ASTN2: variants seen among roughly 807,000 people sequenced by gnomAD.
The protein encoded by ASTN2 is astrotactin 2.
Under a neutral mutation model 139.8 loss-of-function variants are expected in ASTN2, and 54 were observed. The observed-to-expected ratio is 0.39, with a 90% CI of 0.31 to 0.48. The LOEUF (loss-of-function observed/expected upper bound fraction) is 0.48, where lower values mean the gene tolerates loss of function less well. Ranked by LOEUF, ASTN2 falls within the 20% of genes least tolerant of loss-of-function variation. ASTN2 has a pLI of 0.95. For missense variants in ASTN2, 1,565 were observed against 1,725.1 expected (o/e 0.91, Z 1.64); for synonymous variants, 756 against 719.5 (o/e 1.05, Z -0.81).
chr9:117,011,091 T>G (rs1340339917), intron 6 of ASTN2, among the ~76,000 whole-genome samples: 1 of 152,328 alleles, frequency 6.6e-6, no homozygotes, highest in East Asian at 1.9e-4. Flanking sequence ...CTGTGAAATC[T>G]CAAGGAACAG....
At chr9:116,761,259 AAT>A (rs1226249460) in intron 13 of ASTN2, among the ~76,000 whole-genome samples, 2 of 152,200 alleles carry the variant, frequency 1.3e-5, no homozygotes, top group Non-Finnish European at 2.9e-5. Flanking sequence ...AACACAGATA[AAT>A]GAGACATCCC....
chr9:116,684,885 C>T (rs1860104729), intron 16 of ASTN2, among the ~76,000 whole-genome samples: 1 of 152,232 alleles, frequency 6.6e-6, no homozygotes, highest in Non-Finnish European at 1.5e-5. Flanking sequence ...TTGCTTCTAA[C>T]TTCCAAGCTG....
chr9:116,830,809 G>A (rs1363136777), intron 11 of ASTN2, among the ~76,000 whole-genome samples: 16 of 134,608 alleles, frequency 1.2e-4, no homozygotes, highest in South Asian at 2.4e-4. Context: ...AAAAAAAGAA[G>A]AAGAAGAAAA....
chr9:116,763,484 C>G (rs994042291), intron 13 of ASTN2, among the ~76,000 whole-genome samples: 2 of 152,142 alleles, frequency 1.3e-5, no homozygotes, highest in African/African-American at 4.8e-5. Context: ...ACTTCTTCTC[C>G]AGGCCAAACC....
At chr9:116,855,784 C>T (rs1051366287) in intron 11 of ASTN2, among the ~76,000 whole-genome samples, 13 of 152,130 alleles carry the variant, frequency 8.5e-5, no homozygotes, top group African/African-American at 3.1e-4. Flanking sequence ...TCTATTTCCT[C>T]ATGGATAAAA....
intron 10 of ASTN2, among the ~76,000 whole-genome samples, chr9:116,946,896 G>A (rs1331185874): frequency 7.6e-6 from 1 of 131,300 alleles, no homozygotes; most frequent in African/African-American, 2.9e-5. Context: ...GGGACTAGAG[G>A]ATTCAACTAG....
At chr9:116,701,370 A>G (rs1011995688) in intron 16 of ASTN2, 1 of 158,330 alleles carries the variant, frequency 6.3e-6, no homozygotes, top group African/African-American at 2.4e-5. Flanking sequence ...ATTTTCAAAG[A>G]TTGGGTAATT....
At chr9:117,134,623 T>A (rs1441844815) in intron 4 of ASTN2, among the ~76,000 whole-genome samples, 1 of 152,114 alleles carries the variant, frequency 6.6e-6, no homozygotes, top group Non-Finnish European at 1.5e-5. Context: ...TTTTCTTTAT[T>A]CTACCAGCAA....
chr9:117,049,431 C>T (rs1266575610), intron 5 of ASTN2, among the ~76,000 whole-genome samples: 1 of 152,148 alleles, frequency 6.6e-6, no homozygotes, highest in Non-Finnish European at 1.5e-5. Context: ...CATTGCAGAA[C>T]CACCATTCTG....
chr9:116,562,849 C>T (rs73524165), intron 19 of ASTN2, among the ~76,000 whole-genome samples: 3,562 of 151,248 alleles, frequency 0.024, 131 homozygotes, highest in African/African-American at 0.082. Context: ...AGGGAAGGTT[C>T]GGAAAGCTCA....
At chr9:116,926,132 C>A (rs1834748985) in intron 10 of ASTN2, among the ~76,000 whole-genome samples, 1 of 152,132 alleles carries the variant, frequency 6.6e-6, no homozygotes, top group African/African-American at 2.4e-5. Flanking sequence ...TCAGGTGGTG[C>A]CCCTGTTTGT....
At chr9:117,041,248 C>A (rs1021688541) in intron 5 of ASTN2, among the ~76,000 whole-genome samples, 1 of 152,042 alleles carries the variant, frequency 6.6e-6, no homozygotes, top group Non-Finnish European at 1.5e-5. Flanking sequence ...GCAATGCCTC[C>A]ACAATTTTTT....
At chr9:116,766,947 ACAC>A (rs1829827596) in intron 13 of ASTN2, among the ~76,000 whole-genome samples, 1 of 151,918 alleles carries the variant, frequency 6.6e-6, no homozygotes, top group African/African-American at 2.4e-5. Context: ...TCATACTTAT[ACAC>A]CTAAACACAG....
intron 19 of ASTN2, among the ~76,000 whole-genome samples, chr9:116,508,658 T>G (rs1295369847): frequency 6.6e-6 from 1 of 152,134 alleles, no homozygotes; most frequent in Non-Finnish European, 1.5e-5. Flanking sequence ...GCCTTATAGA[T>G]GAGGCAAGTT....
At chr9:117,065,658 G>T (rs1007267475) in intron 5 of ASTN2, among the ~76,000 whole-genome samples, 1 of 152,208 alleles carries the variant, frequency 6.6e-6, no homozygotes, top group Non-Finnish European at 1.5e-5. Flanking sequence ...GGAAATGTCT[G>T]TTGAATAAAC....
chr9:116,488,904 G>C (rs563457562), intron 19 of ASTN2, among the ~76,000 whole-genome samples: 1 of 152,046 alleles, frequency 6.6e-6, no homozygotes, highest in South Asian at 2.1e-4. Flanking sequence ...AAAGTAAATG[G>C]GCCAGACTAA....
intron 17 of ASTN2, among the ~76,000 whole-genome samples, chr9:116,627,091 T>C (rs1856505806): frequency 6.6e-6 from 1 of 152,178 alleles, no homozygotes; most frequent in Non-Finnish European, 1.5e-5. Context: ...TGGTCATTCT[T>C]TTACAAATCA....
intron 10 of ASTN2, among the ~76,000 whole-genome samples, chr9:116,883,466 T>C (rs1833507523): frequency 6.6e-6 from 1 of 152,132 alleles, no homozygotes; most frequent in African/African-American, 2.4e-5. Flanking sequence ...CACCTCCATT[T>C]TGGGTTTGCG....
intron 1 of ASTN2, among the ~76,000 whole-genome samples, chr9:117,384,628 A>G (rs1830351383): frequency 6.6e-6 from 1 of 152,202 alleles, no homozygotes; most frequent in Non-Finnish European, 1.5e-5. Context: ...CATGGCTTCC[A>G]CATGATACAC....
Sources: allele counts gnomAD v4.1 joint callset (sites outside exome capture counted in the v4.1 genomes callset), GRCh38; gene constraint gnomAD v4.1.1; transcripts MANE v1.5; gene names NCBI Gene and HGNC (gene_info 2026-07-23, HGNC 2026-07-21).